The following RIMS1 variants were observed in gnomAD, a reference collection of about 807,000 sequenced individuals.
The protein encoded by RIMS1 is regulating synaptic membrane exocytosis 1, also known as regulating synaptic membrane exocytosis protein 1.
RIMS1 carries 83 observed loss-of-function variants against 214.1 expected under a neutral mutation model. The ratio of observed to expected loss-of-function variants is 0.39; its 90% CI spans 0.32 to 0.47. RIMS1 has a LOEUF of 0.47. Ranked by LOEUF, RIMS1 falls within the 20% of genes least tolerant of loss-of-function variation. RIMS1 has a pLI of 0.99. For missense variants in RIMS1, 2,050 were observed against 2,161.8 expected (o/e 0.95, Z 1.03); for synonymous variants, 793 against 786.8 (o/e 1.01, Z -0.13).
chr6:71,902,810 G>A (rs900696521), intron 1 of RIMS1, among the ~76,000 whole-genome samples: 1 of 152,078 alleles, frequency 6.6e-6, no homozygotes, highest in African/African-American at 2.4e-5. Context: ...AGTTTGCTGA[G>A]GATAATGGCT....
chr6:71,936,828 G>A (rs1784598141), intron 1 of RIMS1, among the ~76,000 whole-genome samples: 2 of 152,220 alleles, frequency 1.3e-5, no homozygotes, highest in African/African-American at 2.4e-5. Context: ...AGGGGGTTGT[G>A]TGTACAGTAG....
In RIMS1 at chr6:72,359,816, ATTATG is replaced by A. The variant is rs1483489837; in HGVS notation, c.4366+25984_4366+25988del. ...CCAAGTTTGAGTTTCAAAATACGTT[ATTATG>A]TTTTAAAGTGATTTCTTCCCATGAG... is the stretch of plus-strand genomic sequence containing the variant. On this transcript the variant is annotated intron_variant, in intron 29 of 33. Coordinates refer to ENST00000521978, the MANE Select transcript of RIMS1 (RefSeq NM_014989.7). Among the ~76,000 whole-genome samples the A allele has an allele frequency of 2.0e-5, 3 of 151,984 alleles. No homozygotes were observed. In the Admixed American group the frequency reaches 2.0e-4, roughly 10 times the overall value.
intron 1 of RIMS1, among the ~76,000 whole-genome samples, chr6:71,910,875 A>G (rs1460915170): frequency 6.6e-6 from 1 of 152,160 alleles, no homozygotes; most frequent in Middle Eastern, 3.2e-3. Flanking sequence ...GTGGAGAAGA[A>G]CTTGGGGAGA....
intron 4 of RIMS1, among the ~76,000 whole-genome samples, chr6:72,176,685 A>C (rs2047754719): frequency 6.6e-6 from 1 of 151,928 alleles, no homozygotes; most frequent in African/African-American, 2.4e-5. Flanking sequence ...CAAGGAAATA[A>C]GACATAGAAA....
intron 16 of RIMS1, among the ~76,000 whole-genome samples, chr6:72,256,843 T>G (rs1318446714): frequency 6.6e-6 from 1 of 152,020 alleles, no homozygotes; most frequent in Non-Finnish European, 1.5e-5. Context: ...ACTCAATAGC[T>G]TAGTTGATAT....
chr6:72,303,861 C>T (rs1205277657), intron 26 of RIMS1, among the ~76,000 whole-genome samples: 1 of 151,364 alleles, frequency 6.6e-6, no homozygotes, highest in African/African-American at 2.4e-5. Flanking sequence ...ACCCTTCAAC[C>T]CCATTTTTAT....
intron 6 of RIMS1, among the ~76,000 whole-genome samples, chr6:72,191,966 A>G (rs1474812996): frequency 6.6e-6 from 1 of 151,966 alleles, no homozygotes; most frequent in African/African-American, 2.4e-5. Context: ...TTGATTTACT[A>G]TTTTTCTAGG....
intron 6 of RIMS1, among the ~76,000 whole-genome samples, chr6:72,193,789 G>A (rs1485394230): frequency 6.6e-6 from 1 of 151,992 alleles, no homozygotes; most frequent in African/African-American, 2.4e-5. Context: ...TATTTTGCCT[G>A]TGGTACTAAT....
At chr6:71,958,908 T>C (rs916014114) in intron 1 of RIMS1, among the ~76,000 whole-genome samples, 5 of 152,140 alleles carry the variant, frequency 3.3e-5, no homozygotes, top group Non-Finnish European at 7.4e-5. Context: ...TCAATTTGGA[T>C]GAAGGGGATG....
At chr6:72,248,172 C>T (rs1031468682) in intron 12 of RIMS1, 45 bp downstream of exon 12, 1 of 1,205,954 alleles carries the variant, frequency 8.3e-7, no homozygotes, top group Non-Finnish European at 1.2e-6. Context: ...TATTTGCATA[C>T]ACTGTCTGAG....
chr6:72,178,348 T>A (rs541152962), intron 4 of RIMS1, among the ~76,000 whole-genome samples: 1 of 152,330 alleles, frequency 6.6e-6, no homozygotes, highest in South Asian at 2.1e-4. Context: ...ACAGTTACAG[T>A]TTTTCCCCAT....
intron 29 of RIMS1, among the ~76,000 whole-genome samples, chr6:72,348,894 A>G (rs554461571): frequency 2.7e-4 from 41 of 152,122 alleles, no homozygotes; most frequent in African/African-American, 9.4e-4. Context: ...TTAATTTACA[A>G]CATCCTTTTA....
chr6:71,976,833 A>T (rs1463101097), intron 2 of RIMS1, among the ~76,000 whole-genome samples: 2 of 152,176 alleles, frequency 1.3e-5, no homozygotes, highest in Non-Finnish European at 2.9e-5. Flanking sequence ...ATTAGGAAAT[A>T]TATATTTTTA....
chr6:72,007,080 G>A (rs977811113), intron 2 of RIMS1, among the ~76,000 whole-genome samples: 2 of 152,122 alleles, frequency 1.3e-5, no homozygotes, highest in Admixed American at 6.5e-5. Context: ...CCCCAAGTAG[G>A]GGCAGACTGA....
intron 6 of RIMS1, among the ~76,000 whole-genome samples, chr6:72,203,662 T>C (rs181916051): frequency 6.0e-4 from 92 of 152,350 alleles, no homozygotes; most frequent in African/African-American, 1.7e-3. Context: ...TTTAAAAATA[T>C]GTGCTGGAGT....
intron 29 of RIMS1, among the ~76,000 whole-genome samples, chr6:72,364,760 G>A (rs2097932139): frequency 6.6e-6 from 1 of 152,168 alleles, no homozygotes; most frequent in African/African-American, 2.4e-5. Flanking sequence ...TCAGATTTCT[G>A]CTGTAGGCAA....
chr6:72,171,593 G>C (rs1413571022), intron 4 of RIMS1, among the ~76,000 whole-genome samples: 1 of 152,088 alleles, frequency 6.6e-6, no homozygotes, highest in South Asian at 2.1e-4. Flanking sequence ...AGTGAGATAG[G>C]AACTATTATT....
At chr6:72,317,237 G>T (rs1054781263) in intron 28 of RIMS1, 1 of 294,862 alleles carries the variant, frequency 3.4e-6, no homozygotes, top group Non-Finnish European at 6.7e-6. Flanking sequence ...GGAGCATCTC[G>T]CAGCAAGTAG....
intron 1 of RIMS1, among the ~76,000 whole-genome samples, chr6:71,921,365 C>T (rs1042813340): frequency 8.5e-5 from 13 of 152,298 alleles, no homozygotes; most frequent in South Asian, 4.1e-4. Context: ...GTGATCCACC[C>T]GCCTTGGCCT....
Sources: allele counts gnomAD v4.1 joint callset (sites outside exome capture counted in the v4.1 genomes callset), GRCh38; gene constraint gnomAD v4.1.1; transcripts MANE v1.5; gene names NCBI Gene and HGNC (gene_info 2026-07-23, HGNC 2026-07-21).